Variants in GPC6 observed in about 807,000 individuals in gnomAD.
The protein encoded by GPC6 is glypican 6.
A neutral mutation model predicts 55.2 loss-of-function variants in GPC6; 14 were observed. The ratio of observed to expected loss-of-function variants is 0.25; its 90% CI spans 0.17 to 0.40. The LOEUF (loss-of-function observed/expected upper bound fraction) is 0.40. Among genes scored for constraint, GPC6 ranks in the 10% least tolerant of loss-of-function variants. The pLI, the probability that GPC6 is intolerant of heterozygous loss-of-function variation, is 1.00. For synonymous variants in GPC6, 278 were observed against 259.6 expected, an observed-to-expected ratio of 1.07 and a Z score of -0.68; for missense variants, 641 against 708.5, an observed-to-expected ratio of 0.90 and a Z score of 1.08.
chr13:94,363,156 T>C (rs1879134165), intron 6 of GPC6, among the ~76,000 whole-genome samples: 1 of 152,176 alleles, frequency 6.6e-6, no homozygotes, highest in South Asian at 2.1e-4. Context: ...AACCACCACA[T>C]ATCTGGTGTT....
At chr13:93,705,814 GTT>G (rs11476323) in intron 2 of GPC6, among the ~76,000 whole-genome samples, 22 of 140,102 alleles carry the variant, frequency 1.6e-4, no homozygotes, top group South Asian at 4.6e-4. Flanking sequence ...CATCCTTTCT[GTT>G]TTTTTTTTTT....
At chr13:93,722,403 A>G (rs1325583830) in intron 2 of GPC6, among the ~76,000 whole-genome samples, 2 of 151,890 alleles carry the variant, frequency 1.3e-5, no homozygotes, top group Admixed American at 6.6e-5. Flanking sequence ...TGGATTTTTA[A>G]GTATTTAAAT....
intron 1 of GPC6, among the ~76,000 whole-genome samples, chr13:93,469,271 G>T (rs1019341120): frequency 3.5e-4 from 53 of 151,910 alleles, no homozygotes; most frequent in African/African-American, 1.1e-3. Flanking sequence ...TTAAATAACT[G>T]TCTACTTCAA....
intron 6 of GPC6, among the ~76,000 whole-genome samples, chr13:94,341,959 G>A (rs1031957491): frequency 2.6e-5 from 4 of 152,146 alleles, no homozygotes; most frequent in African/African-American, 9.7e-5. Flanking sequence ...CTGATAATTC[G>A]GGGAGAGTTA....
At chr13:93,668,025 A>C (rs1447691589) in intron 2 of GPC6, among the ~76,000 whole-genome samples, 1 of 152,122 alleles carries the variant, frequency 6.6e-6, no homozygotes. Context: ...AAATATTTTC[A>C]ATTATTGATA....
chr13:94,043,981 C>T (rs1371120526), intron 4 of GPC6, among the ~76,000 whole-genome samples: 1 of 151,750 alleles, frequency 6.6e-6, no homozygotes. Flanking sequence ...TTTAAGTTCT[C>T]CTACATCTTG....
chr13:94,330,848 C>T (rs548963453), intron 6 of GPC6, among the ~76,000 whole-genome samples: 9 of 152,046 alleles, frequency 5.9e-5, no homozygotes, highest in East Asian at 1.9e-4. Context: ...GCTCTGGATA[C>T]GAGATCTAGT....
chr13:93,699,842 T>C (rs1882606878), intron 2 of GPC6, among the ~76,000 whole-genome samples: 1 of 152,108 alleles, frequency 6.6e-6, no homozygotes, highest in Non-Finnish European at 1.5e-5. Flanking sequence ...ACTCTTTTTT[T>C]CTTCTTAGAG....
chr13:93,346,547 A>C (rs1880437687), intron 1 of GPC6, among the ~76,000 whole-genome samples: 1 of 152,134 alleles, frequency 6.6e-6, no homozygotes. Flanking sequence ...CCAGGGAATG[A>C]TATTTTTGCC....
intron 1 of GPC6, among the ~76,000 whole-genome samples, chr13:93,411,448 C>T (rs1876491556): frequency 6.6e-6 from 1 of 152,104 alleles, no homozygotes; most frequent in African/African-American, 2.4e-5. Context: ...TGAAATTTTT[C>T]AAATGTTGAT....
chr13:94,373,060 C>T (rs1447812009), intron 6 of GPC6, among the ~76,000 whole-genome samples: 3 of 152,232 alleles, frequency 2.0e-5, no homozygotes, highest in African/African-American at 7.2e-5. Context: ...AAAACCCCAT[C>T]TGTACATCAC....
At chr13:94,402,905 CCT>C in intron 8 of GPC6, 108 bp from the exon 9 acceptor site, 2 of 868,118 alleles carry the variant, frequency 2.3e-6, no homozygotes, top group Non-Finnish European at 3.9e-6. Context: ...TGGCCTCTCC[CCT>C]GACAGGTGGG....
chr13:94,215,969 G>A (rs1039473683), intron 4 of GPC6, among the ~76,000 whole-genome samples: 7 of 136,712 alleles, frequency 5.1e-5, no homozygotes, highest in African/African-American at 1.6e-4. Context: ...ATGAGGCTGC[G>A]TATTTCAAAT....
chr13:93,554,811 CTG>C (rs1374027228), intron 2 of GPC6, among the ~76,000 whole-genome samples: 2 of 152,216 alleles, frequency 1.3e-5, no homozygotes, highest in Non-Finnish European at 2.9e-5. Context: ...CTAAGAATAA[CTG>C]TGCATGGTCC....
chr13:93,911,180 C>T (rs1401477924), intron 3 of GPC6, among the ~76,000 whole-genome samples: 1 of 152,090 alleles, frequency 6.6e-6, no homozygotes, highest in African/African-American at 2.4e-5. Context: ...CATTCACAGG[C>T]AAAGTCATAA....
chr13:93,303,775 G>GA (rs1287614878), intron 1 of GPC6, among the ~76,000 whole-genome samples: 1 of 151,718 alleles, frequency 6.6e-6, no homozygotes, highest in African/African-American at 2.4e-5. Flanking sequence ...GGTGAGAAAA[G>GA]AACATTTGAG....
At chr13:93,336,936 A>T (rs1880066581) in intron 1 of GPC6, among the ~76,000 whole-genome samples, 1 of 152,154 alleles carries the variant, frequency 6.6e-6, no homozygotes, top group Non-Finnish European at 1.5e-5. Context: ...GTTCAAGCTG[A>T]CAAATGCTGT....
chr13:94,181,970 G>C (rs1247235994), intron 4 of GPC6, among the ~76,000 whole-genome samples: 1 of 152,186 alleles, frequency 6.6e-6, no homozygotes. Flanking sequence ...AGGTTGCATG[G>C]CTTAGTCCAA....
At chr13:93,446,344 C>T (rs76491608) in intron 1 of GPC6, among the ~76,000 whole-genome samples, 30 of 152,190 alleles carry the variant, frequency 2.0e-4, no homozygotes, top group South Asian at 1.9e-3. Flanking sequence ...CAGCATCCCA[C>T]GTGTCTTGCT....
Sources: allele counts gnomAD v4.1 joint callset (sites outside exome capture counted in the v4.1 genomes callset), GRCh38; gene constraint gnomAD v4.1.1; transcripts MANE v1.5; gene names NCBI Gene and HGNC (gene_info 2026-07-23, HGNC 2026-07-21).